The following SFTPA1 variants were observed in gnomAD, a reference collection of about 807,000 sequenced individuals.
SFTPA1 encodes the protein pulmonary surfactant-associated protein A1.
A neutral mutation model predicts 19.1 loss-of-function variants in SFTPA1; 13 were observed. The observed-to-expected ratio is 0.68, with a 90% CI of 0.44 to 1.08. The LOEUF (loss-of-function observed/expected upper bound fraction) is 1.08. SFTPA1 is among the 50% of genes least tolerant of loss of function. The probability of loss-of-function intolerance (pLI) is 0.00; values close to 1 mark genes in which losing one functional copy is unlikely to be tolerated. For synonymous variants in SFTPA1, 101 were observed against 117.0 expected (o/e 0.86, Z 0.88); for missense variants, 259 against 316.4 (o/e 0.82, Z 1.38).
chr10:79,612,337 G>A lies in SFTPA1; in HGVS notation c.198G>A (p.Met66Ile), dbSNP rs1059050. Residue 66 changes from methionine (M) to isoleucine (I), a missense_variant, in exon 4 of 6, where the codon ATG becomes ATA. By Grantham distance (10) the Met-to-Ile change is conservative. Transcript: ENST00000398636. ...PPGPMGPPGEMPCPPGNDGLP... is the reference protein window; with the variant it reads ...PPGPMGPPGEIPCPPGNDGLP... ...GCCCCATGGGTCCACCTGGAGAAATGCCATGTCCTCCTGGAAATGATGGGC... is the reference window on the plus strand; with the variant it reads ...GCCCCATGGGTCCACCTGGAGAAATACCATGTCCTCCTGGAAATGATGGGC... The A allele has an allele frequency of 2.8e-4, 455 of 1,613,774 alleles. No homozygotes were observed. The highest frequency in any genetic ancestry group is 3.5e-4 in the Non-Finnish European group (412 of 1,179,862).
At position 79,614,152 on chromosome 10, in the gene SFTPA1, G is replaced by A; in HGVS notation, c.*39G>A. ...CATGGGACAGGGAGGACGCTCTCTG[G>A]CCTTCGGCCTCCATCCTGAGGCTCC... is the stretch of plus-strand genomic sequence containing the variant. On this transcript the variant is annotated 3_prime_UTR_variant, in exon 6 of 6. Coordinates refer to ENST00000398636, the MANE Select transcript of SFTPA1 (RefSeq NM_005411.5). 1 of 1,614,156 alleles carries A rather than the reference G, an allele frequency of 6.2e-7. No individual in the cohort carries two copies. Among genetic ancestry groups the A allele is most frequent in the Non-Finnish European group, 8.5e-7 (1 of 1,180,006 alleles).
intron 4 of SFTPA1, 68 bp downstream of exon 4, chr10:79,612,499 G>A (rs1000273415): frequency 1.2e-6 from 2 of 1,601,814 alleles, no homozygotes; most frequent in African/African-American, 2.7e-5. Flanking sequence ...GTTACACGGG[G>A]ATGATGGGGA....
At position 79,614,097 on chromosome 10, in the gene SFTPA1, C is replaced by T. The variant is rs770668929; in HGVS notation, c.731C>T (p.Thr244Ile). ...NDRNCLYSRL[T>I]ICEF Reference sequence around the variant, plus strand: ...AGGAACTGCCTGTACTCCCGACTGACCATCTGTGAGTTCTGAGAGGCATTT... The same window carrying T: ...AGGAACTGCCTGTACTCCCGACTGATCATCTGTGAGTTCTGAGAGGCATTT... Residue 244 changes from threonine to isoleucine, a missense_variant, in exon 6 of 6, where the codon ACC (threonine) becomes ATC (isoleucine). By Grantham distance (89) the Thr-to-Ile change is moderately conservative (BLOSUM62 -1). Coordinates refer to ENST00000398636, the MANE Select transcript of SFTPA1 (RefSeq NM_005411.5). 1 of 1,614,200 alleles carries T rather than the reference C, an allele frequency of 6.2e-7. No homozygotes were observed. The highest frequency in any genetic ancestry group is 8.5e-7 in the Non-Finnish European group (1 of 1,180,016).
rs1860014451 is a variant in SFTPA1, at chr10:79,613,928, G to C, written c.562G>C (p.Gly188Arg). Residue 188 changes from glycine (G) to arginine (R), a missense_variant, in exon 6 of 6, where the codon GGC becomes CGC. Transcript: ENST00000398636. ...VKKYNTYAYV[G>R]LTEGPSPGDF... is the part of the protein sequence containing the mutation. ...GAAGTACAACACATATGCCTATGTA[G>C]GCCTGACTGAGGGTCCCAGCCCTGG... The C allele has an allele frequency of 6.2e-7, 1 of 1,613,950 alleles. No individual in the cohort carries two copies.
intron 1 of SFTPA1, 48 bp from the exon 2 acceptor site, chr10:79,611,271 T>C: frequency 3.4e-6 from 1 of 293,076 alleles, no homozygotes; most frequent in South Asian, 5.6e-5. Flanking sequence ...ACTGACCACC[T>C]TGAGGGGGGC....
chr10:79,615,177 C>A lies in SFTPA1; in HGVS notation c.*1064C>A. 5 of 1,071,772 alleles carry A rather than the reference C, an allele frequency of 4.7e-6. No homozygotes were observed. The highest frequency in any genetic ancestry group is 3.8e-6 in the Non-Finnish European group (3 of 797,926). The allele number at this position is 1,071,772 out of a possible 1,614,324, so 66.4% of individuals were successfully genotyped here. ...TATTGACTGAGCACCTATCATTTGCCAAGAACCTTGACAAGCACTTCTAAT... is the reference window on the plus strand; with the variant it reads ...TATTGACTGAGCACCTATCATTTGCAAAGAACCTTGACAAGCACTTCTAAT... On this transcript the variant is annotated 3_prime_UTR_variant, in exon 6 of 6. Transcript: ENST00000398636.
intron 4 of SFTPA1, 131 bp downstream of exon 4, chr10:79,612,562 G>A (rs1426723283): frequency 7.0e-7 from 1 of 1,432,468 alleles, no homozygotes; most frequent in Non-Finnish European, 9.6e-7. Context: ...CTAAGTAAGA[G>A]AGGATAAGCT....
chr10:79,611,139 G>A (rs1317624468), intron 1 of SFTPA1, among the ~76,000 whole-genome samples, 157 bp downstream of exon 1: 4 of 152,178 alleles, frequency 2.6e-5, no homozygotes, highest in African/African-American at 9.7e-5. Flanking sequence ...GTCAACATAG[G>A]TGACCTGCAA....
intron 1 of SFTPA1, among the ~76,000 whole-genome samples, 160 bp from the exon 2 acceptor site, chr10:79,611,159 T>A (rs1407127640): frequency 6.6e-6 from 1 of 152,188 alleles, no homozygotes; most frequent in Non-Finnish European, 1.5e-5. Flanking sequence ...AAGATCCTCA[T>A]GTTTGTTATT....
In SFTPA1 at chr10:79,614,747, GT is replaced by G; in HGVS notation, c.*635del. 3.0e-6 allele frequency: 1 copy of G among 336,574 alleles called. No homozygotes were observed. 20.8% of individuals were successfully genotyped at this position (336,574 alleles called of 1,614,324 possible). A position where few individuals can be genotyped will look rare whatever the true frequency, so the allele number is the denominator to read the frequency against. On this transcript the variant is annotated 3_prime_UTR_variant, in exon 6 of 6. Transcript: ENST00000398636. Reference sequence around the variant, plus strand: ...TGATGTGTACGATTCACTCCTTTGAGTCTTTGAATGGCAACTCAGCCCCCTG... The same window carrying G: ...TGATGTGTACGATTCACTCCTTTGAGCTTTGAATGGCAACTCAGCCCCCTG...
In SFTPA1 at chr10:79,611,591, C is replaced by T. The variant is rs963968953; in HGVS notation, c.-24+202C>T. On this transcript the variant is annotated intron_variant, in intron 2 of 5. Transcript: ENST00000398636. Reference sequence around the variant, plus strand: ...TCCTCCTCCTCAGCAGCCTGGAGACCCCACAACCTCCAGCCGGAGGCCTGA... The same window carrying T: ...TCCTCCTCCTCAGCAGCCTGGAGACTCCACAACCTCCAGCCGGAGGCCTGA... 8 of 1,550,622 alleles carry T rather than the reference C, an allele frequency of 5.2e-6. No individual in the cohort carries two copies. The Admixed American group carries it at 9.8e-5, about 19-fold the overall frequency.
At chr10:79,611,732 G>A (rs1170800605) in intron 2 of SFTPA1, 71 bp from the exon 3 acceptor site, 8 of 1,610,946 alleles carry the variant, frequency 5.0e-6, no homozygotes, top group Non-Finnish European at 6.8e-6. Flanking sequence ...AGCTTCCTGA[G>A]TCCTGACAGA....
intron 3 of SFTPA1, 120 bp from the exon 4 acceptor site, chr10:79,612,192 G>A (rs959237491): frequency 2.5e-6 from 4 of 1,605,300 alleles, no homozygotes; most frequent in Non-Finnish European, 3.4e-6. Flanking sequence ...TCCTCATAGT[G>A]CCCACGGAGT....
chr10:79,612,472 C>G (rs1267814880), intron 4 of SFTPA1, 41 bp downstream of exon 4: 1 of 1,602,402 alleles, frequency 6.2e-7, no homozygotes, highest in Non-Finnish European at 8.5e-7. Context: ...AACATGGGCA[C>G]AGCGACCCTG....
In SFTPA1 at chr10:79,611,375, G is replaced by A. The variant is rs1429104413; in HGVS notation, c.-38G>A. On this transcript the variant is annotated 5_prime_UTR_variant, in exon 2 of 6. An upstream start codon of the reference 5' UTR is lost. Transcript: ENST00000398636. ...TAACACAGCAGGGATGAGGACAGAT[G>A]GTGTGAGTCAGTGAGTGAGTGACCT... 5 of 559,692 alleles carry A rather than the reference G, an allele frequency of 8.9e-6. No individual in the cohort carries two copies. The highest frequency in any genetic ancestry group is 1.6e-5 in the Non-Finnish European group (5 of 314,650). The allele number at this position is 559,692 out of a possible 1,614,324, so 34.7% of individuals were successfully genotyped here. A position where few individuals can be genotyped will look rare whatever the true frequency, so the allele number is the denominator to read the frequency against.
chr10:79,615,347 AC>A lies in SFTPA1; in HGVS notation c.*1237del. The A allele has an allele frequency of 4.0e-6, 1 of 248,476 alleles. No individual in the cohort carries two copies. Among genetic ancestry groups the A allele is most frequent in the Admixed American group, 5.1e-5 (1 of 19,470 alleles). 15.4% of individuals were successfully genotyped at this position (248,476 alleles called of 1,614,324 possible). On this transcript the variant is annotated 3_prime_UTR_variant, in exon 6 of 6. Coordinates refer to ENST00000398636, the MANE Select transcript of SFTPA1 (RefSeq NM_005411.5). ...AGCAAGTGGCAGAGGCTGGATCCAA[AC>A]CCATCTTCCTGGACCTGAAGCTTAT...
At chr10:79,612,586 T>C (rs971010505) in intron 4 of SFTPA1, among the ~76,000 whole-genome samples, 155 bp downstream of exon 4, 8 of 152,044 alleles carry the variant, frequency 5.3e-5, no homozygotes, top group Non-Finnish European at 8.8e-5. Context: ...GGGAGAAAGC[T>C]GAGGTGTCTG....
intron 2 of SFTPA1, 140 bp from the exon 3 acceptor site, chr10:79,611,663 G>A (rs1343098219): frequency 5.1e-6 from 8 of 1,565,864 alleles, no homozygotes; most frequent in East Asian, 4.8e-5. Context: ...AATTTTCCCG[G>A]GAGCTTCGGG....
rs201714749 is a variant in SFTPA1, at chr10:79,612,476, G to A, written c.292+45G>A. The A allele has an allele frequency of 5.1e-5, 52 of 1,019,296 alleles. No individual in the cohort carries two copies. In the Admixed American group the frequency reaches 1.2e-3, roughly 24 times the overall value. 63.1% of individuals were successfully genotyped at this position (1,019,296 alleles called of 1,614,324 possible). Reference sequence around the variant, plus strand: ...TGGGCAGTGGAAACATGGGCACAGCGACCCTGAAGTCAGTTACACGGGGAT... The same window carrying A: ...TGGGCAGTGGAAACATGGGCACAGCAACCCTGAAGTCAGTTACACGGGGAT... On this transcript the variant is annotated intron_variant, in intron 4 of 5. Coordinates refer to ENST00000398636, the MANE Select transcript of SFTPA1 (RefSeq NM_005411.5).
Sources: allele counts gnomAD v4.1 joint callset (sites outside exome capture counted in the v4.1 genomes callset), GRCh38; gene constraint gnomAD v4.1.1; transcripts MANE v1.5; gene names NCBI Gene and HGNC (gene_info 2026-07-23, HGNC 2026-07-21).